SLC9A4: variants seen among roughly 807,000 people sequenced by gnomAD.
SLC9A4 encodes the protein sodium/hydrogen exchanger 4.
Under a neutral mutation model 67.4 loss-of-function variants are expected in SLC9A4, and 63 were observed. That is an observed-to-expected ratio of 0.93 (90% CI 0.76 to 1.15). The LOEUF (loss-of-function observed/expected upper bound fraction) is 1.15, where lower values mean the gene tolerates loss of function less well. Ranked by LOEUF, SLC9A4 falls within the 50% of genes most tolerant of loss-of-function variation. SLC9A4 has a pLI of 0.00. For missense variants in SLC9A4, 1,089 were observed against 987.7 expected (o/e 1.10, Z -1.38); for synonymous variants, 393 against 367.2 (o/e 1.07, Z -0.80).
chr2:102,512,300 T>C (rs1339894826), intron 7 of SLC9A4, 27 bp downstream of exon 7: 1 of 1,609,632 alleles, frequency 6.2e-7, no homozygotes, highest in Non-Finnish European at 8.5e-7. Flanking sequence ...TTTCACTCCC[T>C]GACAAACTTC....
In SLC9A4 at chr2:102,532,674, C is replaced by T. The variant is rs1272559148; in HGVS notation, c.2383C>T (p.Leu795Phe). 5 of 1,611,376 alleles carry T rather than the reference C, an allele frequency of 3.1e-6. No individual in the cohort carries two copies. Among genetic ancestry groups the T allele is most frequent in the Admixed American group, 1.7e-5 (1 of 59,626 alleles). ...CCATCACAGGTCCCATAGTCCTTTG[C>T]TCCAAAAAAAATAGTGTTATTGTCC... is the stretch of plus-strand genomic sequence containing the variant. ...RDHHRSHSPL[L>F]QKK Residue 795 changes from leucine to phenylalanine, a missense_variant, in exon 12 of 12, where the codon CTC becomes TTC. Coordinates refer to ENST00000295269, the MANE Select transcript of SLC9A4 (RefSeq NM_001011552.4).
At chr2:102,528,121 G>T (rs1026614284) in intron 11 of SLC9A4, among the ~76,000 whole-genome samples, 1 of 151,836 alleles carries the variant, frequency 6.6e-6, no homozygotes, top group African/African-American at 2.4e-5. Context: ...GATTCTCCTG[G>T]CTCAGCCTCC....
At chr2:102,519,121 T>C (rs932560083) in intron 8 of SLC9A4, among the ~76,000 whole-genome samples, 5 of 152,210 alleles carry the variant, frequency 3.3e-5, no homozygotes, top group African/African-American at 9.6e-5. Context: ...GTGCATTGAC[T>C]ACTAACCTGG....
At chr2:102,513,512 A>G (rs1400946721) in intron 7 of SLC9A4, among the ~76,000 whole-genome samples, 1 of 152,250 alleles carries the variant, frequency 6.6e-6, no homozygotes, top group Non-Finnish European at 1.5e-5. Context: ...AGCGGCCATC[A>G]GTCTCGCCTA....
At chr2:102,518,274 T>C (rs1180983616) in intron 8 of SLC9A4, among the ~76,000 whole-genome samples, 3 of 152,220 alleles carry the variant, frequency 2.0e-5, no homozygotes, top group Non-Finnish European at 4.4e-5. Flanking sequence ...ATTTCCTTTA[T>C]CAATGGTTTT....
At chr2:102,486,988 G>T (rs894594003) in intron 2 of SLC9A4, among the ~76,000 whole-genome samples, 1 of 152,218 alleles carries the variant, frequency 6.6e-6, no homozygotes, top group African/African-American at 2.4e-5. Context: ...ACCCTGCAAA[G>T]TCTCAGCAAG....
At chr2:102,504,243 G>C (rs1325129663) in intron 3 of SLC9A4, among the ~76,000 whole-genome samples, 1 of 152,166 alleles carries the variant, frequency 6.6e-6, no homozygotes, top group South Asian at 2.1e-4. Context: ...TAGTGGCGAC[G>C]GGGTTTCACC....
chr2:102,480,457 CTCTT>C (rs1684436952), intron 2 of SLC9A4, among the ~76,000 whole-genome samples: 1 of 151,728 alleles, frequency 6.6e-6, no homozygotes, highest in African/African-American at 2.4e-5. Flanking sequence ...GTGTCTGGCC[CTCTT>C]TCTATGTGTT....
intron 9 of SLC9A4, among the ~76,000 whole-genome samples, chr2:102,523,707 C>G (rs1251950701): frequency 2.0e-5 from 3 of 152,346 alleles, no homozygotes; most frequent in South Asian, 2.1e-4. Context: ...GCAGCCCCTC[C>G]ATGCCCCTCC....
chr2:102,532,772 A>G lies in SLC9A4; in HGVS notation c.*84A>G. 3 of 1,378,880 alleles carry G rather than the reference A, an allele frequency of 2.2e-6. No individual in the cohort carries two copies. The highest frequency in any genetic ancestry group is 3.0e-6 in the Non-Finnish European group (3 of 1,008,524). 85.4% of individuals were successfully genotyped at this position (1,378,880 alleles called of 1,614,324 possible). A position where few individuals can be genotyped will look rare whatever the true frequency, so the allele number is the denominator to read the frequency against. ...GAAAGGAGGATTTCTGGAATTCAGA[A>G]GAGAGCTATTGAGTTTGCTGTGTTG... On this transcript the variant is annotated 3_prime_UTR_variant, in exon 12 of 12. Transcript: ENST00000295269.
chr2:102,520,207 G>C (rs1685376218), intron 9 of SLC9A4, among the ~76,000 whole-genome samples: 1 of 152,162 alleles, frequency 6.6e-6, no homozygotes. Flanking sequence ...GGCTGCCCTA[G>C]CCCTGCAGCC....
chr2:102,489,952 A>G (rs1684662718), intron 2 of SLC9A4, among the ~76,000 whole-genome samples: 1 of 152,244 alleles, frequency 6.6e-6, no homozygotes, highest in Admixed American at 6.5e-5. Flanking sequence ...AATACAAGCT[A>G]GAAAATGAAC....
At chr2:102,491,176 G>A (rs1209919478) in intron 2 of SLC9A4, among the ~76,000 whole-genome samples, 7 of 152,128 alleles carry the variant, frequency 4.6e-5, no homozygotes, top group Non-Finnish European at 1.0e-4. Flanking sequence ...TCCTAGAAGG[G>A]AAAGAAATAT....
chr2:102,525,213 T>C, intron 10 of SLC9A4, 58 bp downstream of exon 10: 1 of 1,608,440 alleles, frequency 6.2e-7, no homozygotes, highest in South Asian at 1.1e-5. Context: ...TGTCATCTGC[T>C]GAGCCTGTTC....
At chr2:102,478,002 C>G (rs544059696) in intron 1 of SLC9A4, among the ~76,000 whole-genome samples, 1 of 152,208 alleles carries the variant, frequency 6.6e-6, no homozygotes, top group Non-Finnish European at 1.5e-5. Context: ...GGTCTTCCAC[C>G]TGGCGGTACT....
At chr2:102,480,924 C>G (rs1176438563) in intron 2 of SLC9A4, among the ~76,000 whole-genome samples, 6 of 152,174 alleles carry the variant, frequency 3.9e-5, no homozygotes, top group African/African-American at 9.6e-5. Flanking sequence ...CAACCAGGAG[C>G]TGTGGGAGGC....
chr2:102,483,328 G>A (rs1172201437), intron 2 of SLC9A4, among the ~76,000 whole-genome samples: 5 of 152,256 alleles, frequency 3.3e-5, no homozygotes, highest in South Asian at 2.1e-4. Flanking sequence ...GAAAAGGAAC[G>A]GGTACTTGCT....
At chr2:102,483,720 A>G (rs1684516639) in intron 2 of SLC9A4, among the ~76,000 whole-genome samples, 1 of 151,096 alleles carries the variant, frequency 6.6e-6, no homozygotes, top group East Asian at 2.0e-4. Context: ...CTCACCCGCC[A>G]CTATACACAA....
intron 11 of SLC9A4, among the ~76,000 whole-genome samples, chr2:102,530,424 C>T (rs1674754165): frequency 6.6e-6 from 1 of 152,216 alleles, no homozygotes; most frequent in South Asian, 2.1e-4. Context: ...AAACACAGTC[C>T]TCACTCTTCC....
Sources: gnomAD v4.1 joint callset for allele counts (sites outside exome capture counted in the v4.1 genomes callset) on GRCh38, gnomAD v4.1.1 for gene constraint, MANE v1.5 for transcripts, NCBI Gene and HGNC (gene_info 2026-07-23, HGNC 2026-07-21) for gene names.